SPMIP2: variants seen among roughly 807,000 people sequenced by gnomAD.
SPMIP2 encodes protein SPMIP2.
chr4:158,954,476 A>T, the SPMIP2 span, among the ~76,000 whole-genome samples: 2 of 152,214 alleles, frequency 1.3e-5, no homozygotes. Context: ...AAAACGGACT[A>T]ATACAAAGGA....
the SPMIP2 span, among the ~76,000 whole-genome samples, chr4:158,995,872 A>AAAAAAG: frequency 6.6e-6 from 1 of 151,524 alleles, no homozygotes; most frequent in Non-Finnish European, 1.5e-5. Flanking sequence ...AAAAAAAAAA[A>AAAAAAG]AAAAAAGAGA....
the SPMIP2 span, among the ~76,000 whole-genome samples, chr4:159,075,167 C>T: frequency 7.2e-4 from 109 of 152,198 alleles, 1 homozygote; most frequent in Admixed American, 3.5e-3. Context: ...AGTGCAGGGA[C>T]GAGAGTGGAA....
At chr4:159,014,885 G>A in the SPMIP2 span, among the ~76,000 whole-genome samples, 3 of 152,114 alleles carry the variant, frequency 2.0e-5, no homozygotes, top group South Asian at 6.2e-4. Flanking sequence ...GGTCACATTC[G>A]AAGCCATTCT....
chr4:158,999,876 A>AT, the SPMIP2 span, among the ~76,000 whole-genome samples: 18 of 151,854 alleles, frequency 1.2e-4, no homozygotes, highest in East Asian at 7.7e-4. Flanking sequence ...GTAAATAAAC[A>AT]TTTTTTTTTA....
At chr4:158,921,279 A>T in the SPMIP2 span, among the ~76,000 whole-genome samples, 3 of 152,264 alleles carry the variant, frequency 2.0e-5, no homozygotes, top group South Asian at 6.2e-4. Flanking sequence ...TCTCTACTAA[A>T]AATACAAAAA....
the SPMIP2 span, among the ~76,000 whole-genome samples, chr4:159,052,015 T>TA: frequency 2.3e-4 from 34 of 145,774 alleles, no homozygotes; most frequent in South Asian, 8.7e-4. Context: ...TTCTGGATGC[T>TA]AAAAAAAAAA....
the SPMIP2 span, among the ~76,000 whole-genome samples, chr4:158,995,074 C>A: frequency 2.6e-5 from 4 of 152,292 alleles, no homozygotes; most frequent in South Asian, 6.2e-4. Context: ...GATAAACTTT[C>A]TCATTTTTTT....
At chr4:159,007,968 G>A in the SPMIP2 span, 1 of 373,084 alleles carries the variant, frequency 2.7e-6, no homozygotes, top group Admixed American at 3.4e-5. Context: ...CTGGCACAGT[G>A]GCATGCGCCT....
chr4:158,951,465 T>G, the SPMIP2 span, among the ~76,000 whole-genome samples: 1 of 152,194 alleles, frequency 6.6e-6, no homozygotes, highest in Non-Finnish European at 1.5e-5. Context: ...GTAAACAATA[T>G]AGTATTGTAA....
At chr4:159,031,391 C>T in the SPMIP2 span, among the ~76,000 whole-genome samples, 4 of 152,218 alleles carry the variant, frequency 2.6e-5, no homozygotes, top group Middle Eastern at 3.4e-3. Flanking sequence ...TTGACAAATT[C>T]GGAACGTTGG....
chr4:159,043,409 C>T, the SPMIP2 span, among the ~76,000 whole-genome samples: 2 of 152,108 alleles, frequency 1.3e-5, no homozygotes, highest in African/African-American at 2.4e-5. Context: ...TGCAGTGGCG[C>T]GATCTCGGCT....
At chr4:159,055,774 G>A in the SPMIP2 span, among the ~76,000 whole-genome samples, 1 of 152,164 alleles carries the variant, frequency 6.6e-6, no homozygotes, top group African/African-American at 2.4e-5. Flanking sequence ...GAAGAGTGAG[G>A]CTGATGTGGT....
chr4:158,961,606 T>C, the SPMIP2 span, among the ~76,000 whole-genome samples: 3 of 152,164 alleles, frequency 2.0e-5, no homozygotes, highest in Admixed American at 2.0e-4. Flanking sequence ...TATCAGCTTC[T>C]GGACAAATTT....
At chr4:158,912,574 G>T in the SPMIP2 span, among the ~76,000 whole-genome samples, 1 of 152,154 alleles carries the variant, frequency 6.6e-6, no homozygotes, top group Admixed American at 6.5e-5. Context: ...ACTCACTGGG[G>T]GCTATGTGTG....
the SPMIP2 span, among the ~76,000 whole-genome samples, chr4:159,008,939 T>C: frequency 3.3e-5 from 5 of 152,222 alleles, no homozygotes; most frequent in African/African-American, 4.8e-5. Context: ...AAACATTGTA[T>C]TAGACATTCG....
the SPMIP2 span, among the ~76,000 whole-genome samples, chr4:159,073,443 C>T: frequency 2.7e-3 from 415 of 152,228 alleles, 1 homozygote; most frequent in African/African-American, 9.3e-3. Context: ...TGTGAGCCAC[C>T]GCACCTGGCT....
the SPMIP2 span, among the ~76,000 whole-genome samples, chr4:159,025,359 T>C: frequency 2.0e-5 from 3 of 152,114 alleles, no homozygotes; most frequent in Non-Finnish European, 4.4e-5. Flanking sequence ...GAGACGAGGT[T>C]TCACCATGTT....
chr4:158,939,511 A>T, the SPMIP2 span, among the ~76,000 whole-genome samples: 2 of 152,230 alleles, frequency 1.3e-5, no homozygotes, highest in African/African-American at 4.8e-5. Context: ...CCAAATATTC[A>T]GTATTCAAAA....
At chr4:159,052,996 G>T in the SPMIP2 span, among the ~76,000 whole-genome samples, 4 of 129,240 alleles carry the variant, frequency 3.1e-5, no homozygotes, top group African/African-American at 9.0e-5. Context: ...TCGCTCTGTC[G>T]CCCAGGCTGG....
Sources: allele counts gnomAD v4.1 joint callset (sites outside exome capture counted in the v4.1 genomes callset), GRCh38; gene constraint gnomAD v4.1.1; transcripts MANE v1.5; gene names NCBI Gene and HGNC (gene_info 2026-07-23, HGNC 2026-07-21).